Variants in SUV39H2 observed in about 807,000 individuals in gnomAD.
The protein encoded by SUV39H2 is SUV39H2 histone lysine methyltransferase.
Under a neutral mutation model 47.5 loss-of-function variants are expected in SUV39H2, and 10 were observed. The observed-to-expected ratio is 0.21, with a 90% CI of 0.13 to 0.36. The LOEUF (loss-of-function observed/expected upper bound fraction) is 0.36, where lower values mean the gene tolerates loss of function less well. Ranked by LOEUF, SUV39H2 falls within the 10% of genes least tolerant of loss-of-function variation. The pLI, the probability that SUV39H2 is intolerant of heterozygous loss-of-function variation, is 1.00. For missense variants in SUV39H2, 266 were observed against 487.4 expected (o/e 0.55, Z 4.28); for synonymous variants, 159 against 166.8 (o/e 0.95, Z 0.36).
intron 2 of SUV39H2, among the ~76,000 whole-genome samples, chr10:14,888,585 G>C (rs949815465): frequency 6.6e-6 from 1 of 151,788 alleles, no homozygotes; most frequent in Admixed American, 6.6e-5. Flanking sequence ...GCAGTGAGCC[G>C]AGTTTGCACT....
At chr10:14,901,048 C>T in intron 4 of SUV39H2, 85 bp from the exon 5 acceptor site, 1 of 1,517,988 alleles carries the variant, frequency 6.6e-7, no homozygotes, top group Non-Finnish European at 8.9e-7. Flanking sequence ...AACTAAATCT[C>T]TAGGAAAGTA....
rs919860514 is a variant in SUV39H2, at chr10:14,898,202, C to CTTTTTTTTTTTTTTTTTTTTTTTT, written c.849+690_849+713dup. 5 of 56,156 alleles carry CTTTTTTTTTTTTTTTTTTTTTTTT rather than the reference C, an allele frequency of 8.9e-5. 1 individual carries two copies. Among genetic ancestry groups the CTTTTTTTTTTTTTTTTTTTTTTTT allele is most frequent in the African/African-American group, 1.4e-4 (2 of 14,154 alleles). 3.5% of individuals were successfully genotyped at this position (56,156 alleles called of 1,614,324 possible). A position where few individuals can be genotyped will look rare whatever the true frequency, so the allele number is the denominator to read the frequency against. Reference sequence around the variant, plus strand: ...AAAACTCAGTGAGGTAGTACTGTTTCTTTTTTTTTTTTTTTTTTTTTTTTT... The same window carrying CTTTTTTTTTTTTTTTTTTTTTTTT: ...AAAACTCAGTGAGGTAGTACTGTTTCTTTTTTTTTTTTTTTTTTTTTTTTTTTTTTTTTTTTTTTTTTTTTTTTT... On this transcript the variant is annotated intron_variant, in intron 3 of 5. Coordinates refer to ENST00000354919, the MANE Select transcript of SUV39H2 (RefSeq NM_001193424.2).
chr10:14,886,465 G>A (rs1283453169), intron 2 of SUV39H2, among the ~76,000 whole-genome samples: 2 of 152,160 alleles, frequency 1.3e-5, no homozygotes, highest in African/African-American at 4.8e-5. Flanking sequence ...ACCATTTGAG[G>A]GCCAGGACTA....
chr10:14,899,352 A>G, intron 3 of SUV39H2, 187 bp from the exon 4 acceptor site: 1 of 699,268 alleles, frequency 1.4e-6, no homozygotes, highest in Non-Finnish European at 2.5e-6. Context: ...TTGCATTATC[A>G]TTTTTCTTCC....
chr10:14,899,409 G>A (rs1372689894), intron 3 of SUV39H2, 130 bp from the exon 4 acceptor site: 18 of 965,776 alleles, frequency 1.9e-5, no homozygotes, highest in Non-Finnish European at 2.5e-5. Context: ...TTGTGTGAAT[G>A]TTTGCTTTGA....
chr10:14,895,580 G>A (rs1833552154), intron 2 of SUV39H2, among the ~76,000 whole-genome samples: 2 of 152,170 alleles, frequency 1.3e-5, no homozygotes, highest in African/African-American at 4.8e-5. Flanking sequence ...GTGCCTTGTT[G>A]CCAAGGCATC....
Position 14,882,848 on chromosome 10 carries a change from T to C in SUV39H2, c.177+1203T>C, listed in dbSNP as rs559863662. On this transcript the variant is annotated intron_variant, in intron 2 of 5. Transcript: ENST00000354919. The stretch of plus-strand genomic sequence containing the variant: ...TCACCATTTTTCTTTTTTCTTCCTA[T>C]CTACCCCCTATAGGAGTTTTTTTTT... Among the ~76,000 whole-genome samples, 417 of 151,666 alleles carry C rather than the reference T, an allele frequency of 2.7e-3. 1 individual carries two copies. Among genetic ancestry groups the C allele is most frequent in the African/African-American group, 9.4e-3 (391 of 41,394 alleles).
intron 2 of SUV39H2, among the ~76,000 whole-genome samples, chr10:14,894,999 A>G (rs1332692281): frequency 6.6e-6 from 1 of 152,180 alleles, no homozygotes; most frequent in East Asian, 1.9e-4. Context: ...TTAAAATGAT[A>G]ATGTAACTGT....
chr10:14,888,768 A>G (rs189127800), intron 2 of SUV39H2, among the ~76,000 whole-genome samples: 1 of 152,216 alleles, frequency 6.6e-6, no homozygotes, highest in Non-Finnish European at 1.5e-5. Context: ...AGGGTCACTG[A>G]TGCCCTTAGA....
rs548468510 is a variant in SUV39H2, at chr10:14,894,516, C to T, written c.178-2330C>T. Reference sequence around the variant, plus strand: ...CCGTGTAGCTGGGACTACAGGCGCCCGCCACCACGCCCGGCTAATTTTTTG... The same window carrying T: ...CCGTGTAGCTGGGACTACAGGCGCCTGCCACCACGCCCGGCTAATTTTTTG... On this transcript the variant is annotated intron_variant, in intron 2 of 5. Transcript: ENST00000354919. Among the ~76,000 whole-genome samples the T allele has an allele frequency of 2.0e-3, 226 of 112,150 alleles. 44 individuals carry two copies. Among genetic ancestry groups the T allele is most frequent in the Non-Finnish European group, 2.8e-3 (168 of 59,596 alleles). 73.6% of individuals were successfully genotyped at this position (112,150 alleles called of 152,430 possible). A position where few individuals can be genotyped will look rare whatever the true frequency, so the allele number is the denominator to read the frequency against.
chr10:14,885,386 ACT>A (rs1232659694), intron 2 of SUV39H2, among the ~76,000 whole-genome samples: 2 of 151,972 alleles, frequency 1.3e-5, no homozygotes, highest in Non-Finnish European at 2.9e-5. Context: ...GTTTCTTTTT[ACT>A]CTCTAAATCT....
intron 2 of SUV39H2, among the ~76,000 whole-genome samples, chr10:14,883,029 A>G (rs1212500954): frequency 6.6e-6 from 1 of 151,846 alleles, no homozygotes; most frequent in African/African-American, 2.4e-5. Context: ...CACCATGCCC[A>G]GCTAATTTTT....
At chr10:14,886,820 C>T (rs1833224986) in intron 2 of SUV39H2, among the ~76,000 whole-genome samples, 2 of 152,192 alleles carry the variant, frequency 1.3e-5, no homozygotes, top group Non-Finnish European at 2.9e-5. Flanking sequence ...ATAAAAAGTG[C>T]TGTGGCAAAC....
At chr10:14,894,360 T>TG (rs1564340047) in intron 2 of SUV39H2, among the ~76,000 whole-genome samples, 1 of 86,104 alleles carries the variant, frequency 1.2e-5, no homozygotes, top group Non-Finnish European at 2.2e-5. Context: ...GCAAAGTTTT[T>TG]TTTTTTTTTT....
chr10:14,879,200 C>G lies in SUV39H2; in HGVS notation c.31+281C>G, dbSNP rs1469509609. 4.7e-6 allele frequency: 5 copies of G among 1,052,736 alleles called. No individual in the cohort carries two copies. In the East Asian group the frequency reaches 1.9e-4, roughly 41 times the overall value. The allele number at this position is 1,052,736 out of a possible 1,614,324, so 65.2% of individuals were successfully genotyped here. A position where few individuals can be genotyped will look rare whatever the true frequency, so the allele number is the denominator to read the frequency against. ...CTCCGCCCGCTCGGCCCGGCCCCCT[C>G]CGCGTCTCCCGTGGCGGCCTCGGGC... On this transcript the variant is annotated intron_variant, in intron 1 of 5. Transcript: ENST00000354919.
intron 2 of SUV39H2, among the ~76,000 whole-genome samples, chr10:14,895,118 CTT>C (rs1833525803): frequency 6.6e-6 from 1 of 151,692 alleles, no homozygotes; most frequent in African/African-American, 2.4e-5. Context: ...ATTACTGAGA[CTT>C]TACTTCAAAA....
intron 2 of SUV39H2, among the ~76,000 whole-genome samples, chr10:14,883,276 T>G (rs1401314201): frequency 1.3e-5 from 2 of 152,240 alleles, no homozygotes; most frequent in African/African-American, 4.8e-5. Flanking sequence ...GAGATTTTCT[T>G]TGGCCTTGCC....
At position 14,901,194 on chromosome 10, in the gene SUV39H2, G is replaced by A; in HGVS notation, c.1058G>A (p.Arg353Gln). 6.2e-7 allele frequency: 1 copy of A among 1,614,006 alleles called. No homozygotes were observed. The highest frequency in any genetic ancestry group is 8.5e-7 in the Non-Finnish European group (1 of 1,179,958). Residue 353 changes from arginine to glutamine, a missense_variant, in exon 5 of 6, where the codon CGA becomes CAA. Physicochemically the swap from Arg to Gln is conservative, Grantham distance 43. Coordinates refer to ENST00000354919, the MANE Select transcript of SUV39H2 (RefSeq NM_001193424.2). ...FIDNLDTRLPRIALFSTRTIN... is the reference protein window; with the variant it reads ...FIDNLDTRLPQIALFSTRTIN... ...GATAACCTCGATACTCGTCTTCCCC[G>A]AATAGCATTGTTTTCCACAAGAACC...
chr10:14,893,480 A>G (rs1233580856), intron 2 of SUV39H2, among the ~76,000 whole-genome samples: 4 of 152,214 alleles, frequency 2.6e-5, no homozygotes, highest in South Asian at 2.1e-4. Context: ...TTCCATTTCT[A>G]TAGGTAATCA....
Sources: gnomAD v4.1 joint callset for allele counts (sites outside exome capture counted in the v4.1 genomes callset) on GRCh38, gnomAD v4.1.1 for gene constraint, MANE v1.5 for transcripts, NCBI Gene and HGNC (gene_info 2026-07-23, HGNC 2026-07-21) for gene names.